Variants in ATL2 observed in about 807,000 individuals in gnomAD.
ATL2 encodes atlastin-2.
ATL2 carries 31 observed loss-of-function variants against 73.9 expected under a neutral mutation model. The observed-to-expected ratio is 0.42, with a 90% CI of 0.32 to 0.57. ATL2 has a LOEUF of 0.57. Ranked by LOEUF, ATL2 falls within the 20% of genes least tolerant of loss-of-function variation. The probability of loss-of-function intolerance (pLI) is 0.14; values close to 1 mark genes in which losing one functional copy is unlikely to be tolerated. For missense variants in ATL2, 738 were observed against 702.6 expected (o/e 1.05, Z -0.57); for synonymous variants, 291 against 237.5 (o/e 1.23, Z -2.07).
chr2:38,346,624 C>G (rs971889746), intron 1 of ATL2, among the ~76,000 whole-genome samples: 2 of 152,162 alleles, frequency 1.3e-5, no homozygotes, highest in African/African-American at 4.8e-5. Context: ...TCATAAGGAG[C>G]ACACAACCCA....
At chr2:38,346,730 G>A (rs987451628) in intron 1 of ATL2, among the ~76,000 whole-genome samples, 3 of 152,180 alleles carry the variant, frequency 2.0e-5, no homozygotes, top group Admixed American at 2.0e-4. Context: ...AGGCAGTAAT[G>A]CTCGCTCGCC....
chr2:38,307,192 T>C (rs1404182267), intron 9 of ATL2, among the ~76,000 whole-genome samples: 1 of 152,052 alleles, frequency 6.6e-6, no homozygotes, highest in African/African-American at 2.4e-5. Flanking sequence ...ACCCTGTCTC[T>C]ACTAAAAATA....
chr2:38,347,715 T>A (rs1670104208), intron 1 of ATL2, among the ~76,000 whole-genome samples: 1 of 151,778 alleles, frequency 6.6e-6, no homozygotes, highest in Non-Finnish European at 1.5e-5. Context: ...AAATATTTCC[T>A]GAATGAATGA....
At chr2:38,299,634 A>C (rs907736877) in intron 10 of ATL2, among the ~76,000 whole-genome samples, 3 of 152,134 alleles carry the variant, frequency 2.0e-5, no homozygotes, top group Admixed American at 6.5e-5. Flanking sequence ...GTGGATCTCC[A>C]GGTGTTAGGA....
At chr2:38,325,906 T>TAAAAAAAAAAAAAAAAA (rs761254087) in intron 2 of ATL2, among the ~76,000 whole-genome samples, 1 of 52,028 alleles carries the variant, frequency 1.9e-5, no homozygotes, top group African/African-American at 5.7e-5. Context: ...TTTGTTTGTT[T>TAAAAAAAAAAAAAAAAA]AAAAAAAAAA....
At chr2:38,334,955 A>ATATATAAATATATTTATATATTAT (rs1669268047) in intron 2 of ATL2, among the ~76,000 whole-genome samples, 5 of 26,660 alleles carry the variant, frequency 1.9e-4, no homozygotes, top group Non-Finnish European at 3.0e-4. Flanking sequence ...TTATATAATA[A>ATATATAAATATATTTATATATTAT]ATATAATTAA....
intron 2 of ATL2, among the ~76,000 whole-genome samples, chr2:38,335,432 C>T (rs1238793130): frequency 6.6e-6 from 1 of 152,180 alleles, no homozygotes; most frequent in Non-Finnish European, 1.5e-5. Flanking sequence ...ATTTCTGACA[C>T]ATGTAACAAT....
intron 1 of ATL2, among the ~76,000 whole-genome samples, chr2:38,370,434 G>C (rs1368456263): frequency 5.1e-5 from 6 of 118,524 alleles, no homozygotes; most frequent in African/African-American, 1.9e-4. Flanking sequence ...GGGAGACAGA[G>C]TGAGACTCTG....
chr2:38,361,618 T>A (rs1671020634), intron 1 of ATL2, among the ~76,000 whole-genome samples: 1 of 152,176 alleles, frequency 6.6e-6, no homozygotes, highest in Admixed American at 6.5e-5. Context: ...AAAATCAATA[T>A]GGCAAATATT....
intron 2 of ATL2, 45 bp downstream of exon 2, chr2:38,343,223 G>C (rs1669829888): frequency 1.5e-6 from 2 of 1,347,076 alleles, no homozygotes; most frequent in South Asian, 1.4e-5. Context: ...GGCATGGTTG[G>C]TACTTTTTTC....
chr2:38,362,827 G>A (rs1405777990), intron 1 of ATL2, among the ~76,000 whole-genome samples: 1 of 152,188 alleles, frequency 6.6e-6, no homozygotes, highest in Non-Finnish European at 1.5e-5. Context: ...AGTAAAGCGA[G>A]CCAAGGGAAA....
chr2:38,347,319 C>A (rs1670081447), intron 1 of ATL2, among the ~76,000 whole-genome samples: 1 of 152,172 alleles, frequency 6.6e-6, no homozygotes, highest in Admixed American at 6.5e-5. Context: ...TCTTGCTGTT[C>A]CCTGATGAAG....
chr2:38,373,647 A>T (rs1338812879), intron 1 of ATL2, among the ~76,000 whole-genome samples: 1 of 152,222 alleles, frequency 6.6e-6, no homozygotes, highest in Non-Finnish European at 1.5e-5. Context: ...ACACATTTTT[A>T]AAAAACTGTA....
In ATL2 at chr2:38,298,129, AAGAT is replaced by A. The variant is rs1558380970; in HGVS notation, c.1632+11_1632+14del. 1.3e-6 allele frequency: 2 copies of A among 1,581,404 alleles called. No homozygotes were observed. Among genetic ancestry groups the A allele is most frequent in the Non-Finnish European group, 8.6e-7 (1 of 1,163,968 alleles). On this transcript the variant is annotated intron_variant, in intron 12 of 12. Coordinates refer to ENST00000378954, the MANE Select transcript of ATL2 (RefSeq NM_001135673.4). ...ATAAGATTAGTCACTAAAAAACCAA[AAGAT>A]AGATACCAACCTGTTCCCATAGTGT...
At chr2:38,375,021 G>C (rs1290099229) in intron 1 of ATL2, among the ~76,000 whole-genome samples, 1 of 152,086 alleles carries the variant, frequency 6.6e-6, no homozygotes, top group Non-Finnish European at 1.5e-5. Flanking sequence ...TTACTAAATA[G>C]ATTTAATCAT....
At chr2:38,354,780 C>G (rs181861043) in intron 1 of ATL2, among the ~76,000 whole-genome samples, 54 of 152,204 alleles carry the variant, frequency 3.5e-4, no homozygotes, top group African/African-American at 1.2e-3. Context: ...ATCCCAGTTA[C>G]TCGGGAAGCT....
chr2:38,300,429 T>A, intron 9 of ATL2, 101 bp from the exon 10 acceptor site: 1 of 749,764 alleles, frequency 1.3e-6, no homozygotes, highest in Non-Finnish European at 2.2e-6. Flanking sequence ...TTAACACCAT[T>A]AAAAGTAAAT....
At chr2:38,307,326 G>A (rs1667505085) in intron 9 of ATL2, among the ~76,000 whole-genome samples, 1 of 151,688 alleles carries the variant, frequency 6.6e-6, no homozygotes, top group African/African-American at 2.4e-5. Context: ...CCAGAGCAAT[G>A]TCCTGGAGGG....
intron 1 of ATL2, among the ~76,000 whole-genome samples, chr2:38,360,809 T>A (rs983260161): frequency 2.6e-5 from 4 of 152,124 alleles, no homozygotes; most frequent in African/African-American, 9.7e-5. Flanking sequence ...TACACAATAT[T>A]GAAACTTTCT....
Sources: gnomAD v4.1 joint callset for allele counts (sites outside exome capture counted in the v4.1 genomes callset) on GRCh38, gnomAD v4.1.1 for gene constraint, MANE v1.5 for transcripts, NCBI Gene and HGNC (gene_info 2026-07-23, HGNC 2026-07-21) for gene names.